Variants in UPRT observed in about 807,000 individuals in gnomAD.
The protein encoded by UPRT is uracil phosphoribosyltransferase homolog, also known as RP11-311P8.3.
Under a neutral mutation model 22.6 loss-of-function variants are expected in UPRT, and 5 were observed. The observed-to-expected ratio is 0.22, with a 90% CI of 0.12 to 0.47. The LOEUF (loss-of-function observed/expected upper bound fraction) is 0.47, where lower values mean the gene tolerates loss of function less well. UPRT is among the 20% of genes least tolerant of loss of function. The pLI, the probability that UPRT is intolerant of heterozygous loss-of-function variation, is 0.99. For synonymous variants in UPRT, 77 were observed against 87.7 expected, an observed-to-expected ratio of 0.88 and a Z score of 0.68; for missense variants, 181 against 239.9, an observed-to-expected ratio of 0.75 and a Z score of 1.62.
At chrX:75,257,556 A>G (rs1602477692) in intron 4 of UPRT, among the ~76,000 whole-genome samples, 1 of 111,703 alleles carries the variant, frequency 9.0e-6, no homozygotes, top group East Asian at 2.8e-4. Flanking sequence ...GGGCATCCAA[A>G]TCGATAAAGA....
At chrX:75,251,122 A>T (rs757583328) in intron 4 of UPRT, among the ~76,000 whole-genome samples, 347 of 111,299 alleles carry the variant, frequency 3.1e-3, no homozygotes, top group Admixed American at 5.8e-3. Flanking sequence ...ATGGACAAAA[A>T]CTGGAAGCAT....
intron 4 of UPRT, 22 bp from the exon 5 acceptor site, chrX:75,299,713 T>G (rs761114236): frequency 8.4e-7 from 1 of 1,192,259 alleles, no homozygotes; most frequent in Admixed American, 2.3e-5. Flanking sequence ...TAATCTTTTT[T>G]CTTTCTTTTT....
chrX:75,227,721 C>G (rs2082427450), intron 4 of UPRT, among the ~76,000 whole-genome samples: 1 of 112,421 alleles, frequency 8.9e-6, no homozygotes, highest in Non-Finnish European at 1.9e-5. Context: ...AGTGCATATA[C>G]TTACAAAGAG....
chrX:75,160,204 C>A (rs1275104960), intron 1 of UPRT, among the ~76,000 whole-genome samples: 1 of 111,695 alleles, frequency 9.0e-6, no homozygotes, highest in Non-Finnish European at 1.9e-5. Context: ...AAGGAAGAGG[C>A]GATAAATAGG....
At chrX:75,253,650 CA>C (rs2082539565) in intron 4 of UPRT, among the ~76,000 whole-genome samples, 1 of 112,057 alleles carries the variant, frequency 8.9e-6, no homozygotes, top group Admixed American at 9.5e-5. Context: ...AGGACCACTA[CA>C]GGAATAAATC....
At chrX:75,180,681 G>GTTTTTTTTTTTTGGTTTTTTTTTTT (rs2082266200) in intron 4 of UPRT, among the ~76,000 whole-genome samples, 1 of 43,895 alleles carries the variant, frequency 2.3e-5, no homozygotes, top group Non-Finnish European at 3.8e-5. Flanking sequence ...CCTTTTCTCT[G>GTTTTTTTTTTTTGGTTTTTTTTTTT]TTTTTTTTTT....
intron 4 of UPRT, among the ~76,000 whole-genome samples, chrX:75,235,368 A>G (rs1212679220): frequency 3.6e-5 from 4 of 111,792 alleles, no homozygotes; most frequent in African/African-American, 1.3e-4. Flanking sequence ...AGAAGGAGGA[A>G]CTGGTACCAT....
Position 75,299,921 on chromosome X carries a change from A to C in UPRT, c.724+25A>C, listed in dbSNP as rs778920403. On this transcript the variant is annotated intron_variant, in intron 5 of 6. Coordinates refer to ENST00000373383, the MANE Select transcript of UPRT (RefSeq NM_145052.4). ...AGTGAGTGGCTTCCATTTGTTTGTA[A>C]CCTTTGGTTAGGGTTTAAATTCAAC... 25 of 1,196,345 alleles carry C rather than the reference A, an allele frequency of 2.1e-5. 1 individual carries two copies. The South Asian group carries it at 4.5e-4, about 21-fold the overall frequency.
At chrX:75,302,164 A>G (rs1381732594) in intron 6 of UPRT, among the ~76,000 whole-genome samples, 2 of 111,236 alleles carry the variant, frequency 1.8e-5, no homozygotes, top group East Asian at 5.6e-4. Flanking sequence ...TATTGACAGG[A>G]GTTATGGCCT....
chrX:75,232,360 G>A (rs1484357123), intron 4 of UPRT, among the ~76,000 whole-genome samples: 3 of 112,714 alleles, frequency 2.7e-5, no homozygotes, highest in Admixed American at 1.9e-4. Flanking sequence ...GCGAGGCTGG[G>A]GGAGGGGCGC....
chrX:75,187,469 T>G (rs2082297373), intron 4 of UPRT, among the ~76,000 whole-genome samples: 1 of 111,579 alleles, frequency 9.0e-6, no homozygotes, highest in Non-Finnish European at 1.9e-5. Context: ...TTTCTTTCAT[T>G]TCAACTTTGG....
chrX:75,183,359 T>A (rs1172634220), intron 4 of UPRT, among the ~76,000 whole-genome samples: 1 of 111,797 alleles, frequency 8.9e-6, no homozygotes, highest in Non-Finnish European at 1.9e-5. Context: ...AACTCATCCT[T>A]TTTTATGGCT....
At chrX:75,186,409 T>G (rs892336841) in intron 4 of UPRT, among the ~76,000 whole-genome samples, 14 of 111,807 alleles carry the variant, frequency 1.3e-4, no homozygotes, top group Middle Eastern at 4.6e-3. Context: ...ATTTCTGTTC[T>G]TTTACATTTG....
chrX:75,188,219 G>A (rs1334856679), intron 4 of UPRT, among the ~76,000 whole-genome samples: 2 of 111,606 alleles, frequency 1.8e-5, no homozygotes. Flanking sequence ...TGTCCTTTCC[G>A]TTTGTCAATT....
chrX:75,237,798 T>G, intron 4 of UPRT, among the ~76,000 whole-genome samples: 1 of 52,168 alleles, frequency 1.9e-5, no homozygotes, highest in Non-Finnish European at 3.3e-5. Context: ...GGGACTGTTG[T>G]GGGGTGGGGG....
intron 1 of UPRT, among the ~76,000 whole-genome samples, chrX:75,157,459 G>T (rs2082185458): frequency 8.9e-6 from 1 of 112,265 alleles, no homozygotes; most frequent in African/African-American, 3.2e-5. Flanking sequence ...AAGCAAGAAG[G>T]CATAAGAAAA....
chrX:75,177,357 G>A (rs1369318425), intron 4 of UPRT, among the ~76,000 whole-genome samples: 1 of 111,867 alleles, frequency 8.9e-6, no homozygotes, highest in South Asian at 3.8e-4. Flanking sequence ...ATGGAGGACC[G>A]AGGAAGGTCG....
chrX:75,237,427 G>C (rs183406654), intron 4 of UPRT, among the ~76,000 whole-genome samples: 1 of 111,511 alleles, frequency 9.0e-6, no homozygotes, highest in East Asian at 2.8e-4. Flanking sequence ...AATACCATTT[G>C]ACCCAGCCAT....
chrX:75,259,554 C>G (rs186039095), intron 4 of UPRT, among the ~76,000 whole-genome samples: 84 of 108,493 alleles, frequency 7.7e-4, no homozygotes, highest in Non-Finnish European at 1.3e-3. Context: ...AAAAGAAGAT[C>G]AGAGAAAAGA....
Sources: allele counts gnomAD v4.1 joint callset (sites outside exome capture counted in the v4.1 genomes callset), GRCh38; gene constraint gnomAD v4.1.1; transcripts MANE v1.5; gene names NCBI Gene and HGNC (gene_info 2026-07-23, HGNC 2026-07-21).